SLC49A4: variants seen among roughly 807,000 people sequenced by gnomAD.
SLC49A4 encodes the protein solute carrier family 49 member 4, also known as disrupted in renal cancer protein 2.
A neutral mutation model predicts 50.6 loss-of-function variants in SLC49A4; 36 were observed. The ratio of observed to expected loss-of-function variants is 0.71; its 90% CI spans 0.55 to 0.94. The LOEUF is 0.94. Ranked by LOEUF, SLC49A4 falls within the 40% of genes least tolerant of loss-of-function variation. The pLI is 0.00. For synonymous variants in SLC49A4, 248 were observed against 241.2 expected (o/e 1.03, Z -0.26); for missense variants, 503 against 605.7 (o/e 0.83, Z 1.78).
intron 4 of SLC49A4, among the ~76,000 whole-genome samples, chr3:122,835,070 A>G (rs1433823191): frequency 6.6e-6 from 1 of 152,142 alleles, no homozygotes; most frequent in African/African-American, 2.4e-5. Flanking sequence ...AAAATTGCCA[A>G]CCAAGAAAAG....
chr3:122,863,299 A>T (rs1937079244), intron 7 of SLC49A4, among the ~76,000 whole-genome samples: 1 of 152,208 alleles, frequency 6.6e-6, no homozygotes, highest in South Asian at 2.1e-4. Flanking sequence ...ACCAGTCTGA[A>T]AATCTGGAGC....
intron 8 of SLC49A4, 57 bp downstream of exon 8, chr3:122,872,654 C>A: frequency 7.6e-7 from 1 of 1,319,958 alleles, no homozygotes; most frequent in Non-Finnish European, 1.0e-6. Flanking sequence ...AAGTTTGGGT[C>A]ACTAGTGTAT....
chr3:122,817,747 A>ATTTTTTTTTT (rs77819385), intron 2 of SLC49A4, among the ~76,000 whole-genome samples: 1 of 71,864 alleles, frequency 1.4e-5, no homozygotes, highest in Admixed American at 2.1e-4. Context: ...CACCCAGCTA[A>ATTTTTTTTTT]TTTTTTTTTT....
chr3:122,847,996 A>G (rs1936878986), intron 5 of SLC49A4, among the ~76,000 whole-genome samples: 1 of 152,218 alleles, frequency 6.6e-6, no homozygotes, highest in Non-Finnish European at 1.5e-5. Context: ...TCACTTCCTT[A>G]GTTGCAGTAG....
intron 2 of SLC49A4, among the ~76,000 whole-genome samples, chr3:122,818,639 C>A (rs187017675): frequency 1.2e-4 from 19 of 152,184 alleles, no homozygotes; most frequent in Non-Finnish European, 7.4e-5. Flanking sequence ...TGTATATGAC[C>A]TTAATAAAAA....
intron 7 of SLC49A4, among the ~76,000 whole-genome samples, chr3:122,863,442 T>C (rs1937080891): frequency 6.6e-6 from 1 of 152,240 alleles, no homozygotes; most frequent in Non-Finnish European, 1.5e-5. Flanking sequence ...AGTCAGCAAT[T>C]GTGGTCACTC....
At chr3:122,812,841 A>G (rs1428761495) in intron 2 of SLC49A4, among the ~76,000 whole-genome samples, 2 of 152,216 alleles carry the variant, frequency 1.3e-5, no homozygotes, top group Non-Finnish European at 2.9e-5. Flanking sequence ...AACTCAAGGC[A>G]ACTCAAGGCA....
At chr3:122,863,497 T>C (rs2107580727) in intron 7 of SLC49A4, among the ~76,000 whole-genome samples, 1 of 152,330 alleles carries the variant, frequency 6.6e-6, no homozygotes, top group South Asian at 2.1e-4. Context: ...ATGTTTTAAA[T>C]GGAACACGAG....
chr3:122,849,290 ATTTTATATACTGAT>A (rs1020516959), intron 5 of SLC49A4, among the ~76,000 whole-genome samples: 2 of 152,062 alleles, frequency 1.3e-5, no homozygotes, highest in African/African-American at 4.8e-5. Context: ...TCATATACTG[ATTTTATATACTGAT>A]TTTTATATAC....
intron 3 of SLC49A4, among the ~76,000 whole-genome samples, chr3:122,830,939 A>G (rs1218872134): frequency 2.6e-5 from 4 of 152,162 alleles, no homozygotes; most frequent in African/African-American, 7.2e-5. Flanking sequence ...AACAACAGAA[A>G]GACAACGCCA....
chr3:122,828,128 TG>T (rs1936560543), intron 3 of SLC49A4, among the ~76,000 whole-genome samples: 1 of 152,230 alleles, frequency 6.6e-6, no homozygotes, highest in African/African-American at 2.4e-5. Flanking sequence ...TTAACTTTTT[TG>T]TTCACTTATA....
At position 122,817,603 on chromosome 3, in the gene SLC49A4, A is replaced by AT. The variant is rs531889643; in HGVS notation, c.438-9190dup. Among the ~76,000 whole-genome samples, 169 of 151,340 alleles carry AT rather than the reference A, an allele frequency of 1.1e-3. 3 individuals carry two copies. Among genetic ancestry groups the AT allele is most frequent in the Admixed American group, 2.6e-3 (40 of 15,170 alleles). ...ATTTATTTATTTATTGTTTTCTTTG[A>AT]TTTTTTTGTTTGAGATGGGGTCTCA... On this transcript the variant is annotated intron_variant, in intron 2 of 8. Coordinates refer to ENST00000261038, the MANE Select transcript of SLC49A4 (RefSeq NM_032839.3).
chr3:122,867,701 G>T (rs372503098), intron 7 of SLC49A4, among the ~76,000 whole-genome samples: 1 of 152,236 alleles, frequency 6.6e-6, no homozygotes, highest in Non-Finnish European at 1.5e-5. Context: ...ATGTATTCAG[G>T]CTAGGCACGG....
intron 5 of SLC49A4, among the ~76,000 whole-genome samples, chr3:122,849,676 T>G (rs756569624): frequency 1.2e-4 from 18 of 151,104 alleles, no homozygotes; most frequent in South Asian, 2.1e-4. Flanking sequence ...ATTGGATTGG[T>G]TTTTTTTTGC....
At chr3:122,813,445 G>A (rs1936326713) in intron 2 of SLC49A4, among the ~76,000 whole-genome samples, 1 of 151,960 alleles carries the variant, frequency 6.6e-6, no homozygotes, top group Admixed American at 6.6e-5. Context: ...TGTATCATCA[G>A]ACTGATACCC....
rs1298362375 is a variant in SLC49A4 at position 122,880,611 on chromosome 3, C to G, written c.*1233C>G. On this transcript the variant is annotated 3_prime_UTR_variant, in exon 9 of 9. Transcript: ENST00000261038. ...CAAAAAGTCAAGAATACTGCTATAC[C>G]TTTATTATTCTCAGCTTCCTCCAGC... is the stretch of plus-strand genomic sequence containing the variant. 2 of 152,250 alleles carry G rather than the reference C, an allele frequency of 1.3e-5. No homozygotes were observed. Among genetic ancestry groups the G allele is most frequent in the Non-Finnish European group, 2.9e-5 (2 of 68,070 alleles). The allele number at this position is 152,250 out of a possible 1,614,324, so 9.4% of individuals were successfully genotyped here.
chr3:122,858,073 C>G (rs938537227), intron 6 of SLC49A4, among the ~76,000 whole-genome samples: 3 of 152,140 alleles, frequency 2.0e-5, no homozygotes, highest in Non-Finnish European at 2.9e-5. Flanking sequence ...TTCCTGACAC[C>G]ATTTTTTGGG....
intron 4 of SLC49A4, among the ~76,000 whole-genome samples, chr3:122,836,543 T>C (rs941055983): frequency 2.6e-5 from 4 of 152,168 alleles, no homozygotes; most frequent in African/African-American, 9.6e-5. Flanking sequence ...TCTTTTTCTA[T>C]TGATTGGAAT....
chr3:122,827,444 C>T (rs897461922), intron 3 of SLC49A4, among the ~76,000 whole-genome samples: 10 of 152,146 alleles, frequency 6.6e-5, no homozygotes, highest in Admixed American at 2.6e-4. Flanking sequence ...GTGTTAAGCC[C>T]GTTTTCTCCC....
Sources: gnomAD v4.1 joint callset for allele counts (sites outside exome capture counted in the v4.1 genomes callset) on GRCh38, gnomAD v4.1.1 for gene constraint, MANE v1.5 for transcripts, NCBI Gene and HGNC (gene_info 2026-07-23, HGNC 2026-07-21) for gene names.